Variants in CDH12 observed in about 807,000 individuals in gnomAD.
The protein encoded by CDH12 is cadherin-12.
A neutral mutation model predicts 74.1 loss-of-function variants in CDH12; 41 were observed. That is an observed-to-expected ratio of 0.55 (90% CI 0.43 to 0.72). The LOEUF (loss-of-function observed/expected upper bound fraction) is 0.72. CDH12 is among the 30% of genes least tolerant of loss of function. The pLI, the probability that CDH12 is intolerant of heterozygous loss-of-function variation, is 0.00. For synonymous variants in CDH12, 399 were observed against 355.0 expected, an observed-to-expected ratio of 1.12 and a Z score of -1.39; for missense variants, 945 against 977.2, an observed-to-expected ratio of 0.97 and a Z score of 0.44.
At chr5:22,307,429 G>A (rs1202670182) in intron 3 of CDH12, among the ~76,000 whole-genome samples, 1 of 152,182 alleles carries the variant, frequency 6.6e-6, no homozygotes, top group African/African-American at 2.4e-5. Context: ...TCTCTGTAAA[G>A]GCCAGTGGAG....
chr5:22,054,798 T>C (rs1183761398), intron 5 of CDH12, among the ~76,000 whole-genome samples: 1 of 152,040 alleles, frequency 6.6e-6, no homozygotes, highest in African/African-American at 2.4e-5. Flanking sequence ...ACCATAATGA[T>C]TGGGAAAATC....
Position 22,757,181 on chromosome 5 carries a change from A to G in CDH12, c.-523+95877T>C, listed in dbSNP as rs533383909. On this transcript the variant is annotated intron_variant, in intron 1 of 14. Transcript: ENST00000382254. Reference sequence around the variant, plus strand: ...ACTTTTCTTCTTCCTGTAGATGTAGATAAAAGCTATCTCTTGAAGATGGTA... The same window carrying G: ...ACTTTTCTTCTTCCTGTAGATGTAGGTAAAAGCTATCTCTTGAAGATGGTA... 2.0e-5 allele frequency among the ~76,000 whole-genome samples: 3 copies of G among 152,260 alleles called. No homozygotes were observed. In the South Asian group the frequency reaches 6.2e-4, roughly 32 times the overall value.
chr5:22,093,585 AAATT>A (rs1469782146), intron 4 of CDH12, among the ~76,000 whole-genome samples: 3 of 152,192 alleles, frequency 2.0e-5, no homozygotes, highest in Non-Finnish European at 4.4e-5. Context: ...GACAGAGGGG[AAATT>A]AATTGTTGTT....
At chr5:22,335,475 C>T (rs563943013) in intron 3 of CDH12, among the ~76,000 whole-genome samples, 1 of 152,008 alleles carries the variant, frequency 6.6e-6, no homozygotes, top group East Asian at 1.9e-4. Context: ...GTCCCAGCTA[C>T]TCAGGAGACT....
At chr5:22,152,521 T>C (rs1436547005) in intron 4 of CDH12, among the ~76,000 whole-genome samples, 1 of 152,150 alleles carries the variant, frequency 6.6e-6, no homozygotes, top group Non-Finnish European at 1.5e-5. Context: ...TAAAATTTTA[T>C]GTATTTACCA....
chr5:22,731,034 T>C (rs183340677), intron 1 of CDH12, among the ~76,000 whole-genome samples: 43 of 151,944 alleles, frequency 2.8e-4, no homozygotes, highest in Non-Finnish European at 5.3e-4. Context: ...CAGATGTGTT[T>C]ACTCTTCTTC....
At chr5:22,465,062 GA>G (rs1443187218) in intron 2 of CDH12, among the ~76,000 whole-genome samples, 8 of 128,984 alleles carry the variant, frequency 6.2e-5, no homozygotes, top group Non-Finnish European at 1.1e-4. Flanking sequence ...GGGAGGGGGG[GA>G]AAGAGAGAGA....
At chr5:22,554,152 G>T (rs1207875936) in intron 1 of CDH12, among the ~76,000 whole-genome samples, 1 of 152,162 alleles carries the variant, frequency 6.6e-6, no homozygotes, top group African/African-American at 2.4e-5. Flanking sequence ...CTGGGAATTA[G>T]GGAGAGGGTG....
chr5:21,755,473 T>C (rs1744329477), intron 14 of CDH12, 118 bp downstream of exon 14: 2 of 799,424 alleles, frequency 2.5e-6, no homozygotes, highest in South Asian at 1.8e-5. Context: ...AGGTATGACA[T>C]GTCAATGAAT....
At chr5:22,365,309 G>A (rs1740983472) in intron 3 of CDH12, among the ~76,000 whole-genome samples, 1 of 152,120 alleles carries the variant, frequency 6.6e-6, no homozygotes, top group Non-Finnish European at 1.5e-5. Context: ...GTTAATAAAT[G>A]CTACTGTTCT....
At chr5:22,826,691 A>G (rs13185430) in intron 1 of CDH12, among the ~76,000 whole-genome samples, 4 of 151,998 alleles carry the variant, frequency 2.6e-5, no homozygotes, top group Admixed American at 2.0e-4. Context: ...AACTTTTACT[A>G]TGTTTTAACA....
At chr5:22,102,396 C>T (rs531243584) in intron 4 of CDH12, among the ~76,000 whole-genome samples, 2 of 152,224 alleles carry the variant, frequency 1.3e-5, no homozygotes, top group Admixed American at 6.5e-5. Flanking sequence ...TGGCAGGGCA[C>T]GGTGGCTCAC....
At chr5:21,960,160 A>G (rs1302429538) in intron 6 of CDH12, among the ~76,000 whole-genome samples, 1 of 152,178 alleles carries the variant, frequency 6.6e-6, no homozygotes, top group African/African-American at 2.4e-5. Context: ...GATATTCAGG[A>G]TCTGAACCCA....
intron 9 of CDH12, among the ~76,000 whole-genome samples, chr5:21,809,268 A>C (rs900626135): frequency 1.4e-4 from 21 of 152,102 alleles, no homozygotes; most frequent in Admixed American, 1.4e-3. Context: ...TAAACAAAAA[A>C]CAAGCAAACA....
At chr5:22,107,493 C>CACATATAATTATTATATGTATATATAT (rs1744538625) in intron 4 of CDH12, among the ~76,000 whole-genome samples, 1 of 96,920 alleles carries the variant, frequency 1.0e-5, no homozygotes, top group Admixed American at 1.0e-4. Flanking sequence ...TGTATATATA[C>CACATATAATTATTATATGTATATATAT]ACATATAATA....
At chr5:22,821,523 C>A (rs1749699519) in intron 1 of CDH12, among the ~76,000 whole-genome samples, 1 of 152,140 alleles carries the variant, frequency 6.6e-6, no homozygotes, top group Non-Finnish European at 1.5e-5. Flanking sequence ...AGCTGATAAG[C>A]AACTCCAGCA....
chr5:22,430,802 A>G (rs1334941161), intron 2 of CDH12, among the ~76,000 whole-genome samples: 1 of 152,164 alleles, frequency 6.6e-6, no homozygotes, highest in Non-Finnish European at 1.5e-5. Context: ...CTTATCAGCC[A>G]AGCAGCTAAA....
At chr5:22,328,917 T>C (rs1474947704) in intron 3 of CDH12, among the ~76,000 whole-genome samples, 3 of 152,114 alleles carry the variant, frequency 2.0e-5, no homozygotes, top group Admixed American at 1.3e-4. Context: ...CCACAAAGTA[T>C]TGGAAAGGAA....
rs769683864 is a variant in CDH12, at chr5:21,755,555, G to A, written c.1885+36C>T. 17 of 1,587,886 alleles carry A rather than the reference G, an allele frequency of 1.1e-5. No homozygotes were observed. The Middle Eastern group carries it at 5.0e-4, about 47-fold the overall frequency. On this transcript the variant is annotated intron_variant, in intron 14 of 14. Transcript: ENST00000382254. ...GAGGGGAAAAAAAGGAAGAGAGAGCGAGAAAAAATTAACAATGATTAATAT... is the reference window on the plus strand; with the variant it reads ...GAGGGGAAAAAAAGGAAGAGAGAGCAAGAAAAAATTAACAATGATTAATAT...
Sources: allele counts gnomAD v4.1 joint callset (sites outside exome capture counted in the v4.1 genomes callset), GRCh38; gene constraint gnomAD v4.1.1; transcripts MANE v1.5; gene names NCBI Gene and HGNC (gene_info 2026-07-23, HGNC 2026-07-21).